Variants in FAM110B observed in about 807,000 individuals in gnomAD.
FAM110B encodes protein FAM110B.
In FAM110B, 6 loss-of-function variants were observed where a neutral mutation model predicts 20.4. The observed-to-expected ratio is 0.29, with a 90% CI of 0.16 to 0.58. The LOEUF is 0.58. FAM110B is among the 20% of genes least tolerant of loss of function. The probability of loss-of-function intolerance (pLI) is 0.90; values close to 1 mark genes in which losing one functional copy is unlikely to be tolerated. For synonymous variants in FAM110B, 226 were observed against 214.1 expected, an observed-to-expected ratio of 1.06 and a Z score of -0.49; for missense variants, 434 against 498.2, an observed-to-expected ratio of 0.87 and a Z score of 1.23.
chr8:58,084,364 TC>T (rs1391027146), intron 3 of FAM110B, among the ~76,000 whole-genome samples: 2 of 152,048 alleles, frequency 1.3e-5, no homozygotes, highest in East Asian at 3.9e-4. Flanking sequence ...TTTCCTTCCT[TC>T]CAGCAGTGGA....
intron 2 of FAM110B, among the ~76,000 whole-genome samples, chr8:58,072,411 C>T (rs142542100): frequency 3.0e-4 from 46 of 152,244 alleles, no homozygotes; most frequent in African/African-American, 6.0e-4. Flanking sequence ...TGTAATGCAA[C>T]GGTATTATGA....
At chr8:58,144,375 T>A (rs1173003381) in intron 3 of FAM110B, among the ~76,000 whole-genome samples, 2 of 152,238 alleles carry the variant, frequency 1.3e-5, no homozygotes, top group African/African-American at 4.8e-5. Context: ...AGAAACAATC[T>A]CATTTCATCT....
chr8:58,080,542 C>G (rs767686987), intron 3 of FAM110B, among the ~76,000 whole-genome samples: 14 of 152,136 alleles, frequency 9.2e-5, no homozygotes, highest in African/African-American at 3.1e-4. Flanking sequence ...TAGGTGTGGA[C>G]GCAGAAAGCA....
chr8:58,036,534 G>C (rs1805076042), intron 2 of FAM110B, among the ~76,000 whole-genome samples: 1 of 152,178 alleles, frequency 6.6e-6, no homozygotes, highest in African/African-American at 2.4e-5. Context: ...TTTGTCATGA[G>C]ATTAAGCTGG....
chr8:58,043,478 A>G (rs920327531), intron 2 of FAM110B, among the ~76,000 whole-genome samples: 1 of 151,068 alleles, frequency 6.6e-6, no homozygotes. Context: ...TTTTATATAT[A>G]TTTTTTATTA....
chr8:58,010,164 G>A (rs553447394), intron 1 of FAM110B, among the ~76,000 whole-genome samples: 11 of 150,876 alleles, frequency 7.3e-5, no homozygotes, highest in Non-Finnish European at 1.2e-4. Flanking sequence ...TTACAGATGC[G>A]CAACATGACG....
intron 2 of FAM110B, among the ~76,000 whole-genome samples, chr8:58,035,794 T>G (rs578171937): frequency 6.6e-6 from 1 of 152,316 alleles, no homozygotes; most frequent in South Asian, 2.1e-4. Flanking sequence ...GCAGTGATAG[T>G]GATACTTGTT....
Position 58,146,148 on chromosome 8 carries a change from C to T in FAM110B, c.-83C>T, listed in dbSNP as rs1247074207. 1 of 1,480,734 alleles carries T rather than the reference C, an allele frequency of 6.8e-7. No homozygotes were observed. Among genetic ancestry groups the T allele is most frequent in the African/African-American group, 1.4e-5 (1 of 70,996 alleles). 91.7% of individuals were successfully genotyped at this position (1,480,734 alleles called of 1,614,324 possible). On this transcript the variant is annotated 5_prime_UTR_variant, in exon 4 of 4. Coordinates refer to ENST00000519262, the MANE Select transcript of FAM110B (RefSeq NM_001377989.1). ...CAGGCTGCACCCGCCGCCCTTGGCG[C>T]TTCATGTACATGTGTCTATTCAGGC...
chr8:58,039,669 C>T (rs980196506), intron 2 of FAM110B, among the ~76,000 whole-genome samples: 2 of 152,326 alleles, frequency 1.3e-5, no homozygotes, highest in Middle Eastern at 3.4e-3. Flanking sequence ...TCAGATCTGC[C>T]TCCTGATAGT....
chr8:58,116,473 T>C (rs1228691870), intron 3 of FAM110B, among the ~76,000 whole-genome samples: 1 of 152,224 alleles, frequency 6.6e-6, no homozygotes, highest in Admixed American at 6.5e-5. Context: ...CTGTGGTTAC[T>C]CCTTTACCTT....
At chr8:58,108,060 G>T (rs1229950954) in intron 3 of FAM110B, among the ~76,000 whole-genome samples, 1 of 152,068 alleles carries the variant, frequency 6.6e-6, no homozygotes, top group Non-Finnish European at 1.5e-5. Context: ...AGGGGAAGAG[G>T]GCCCTTCTTA....
At chr8:58,089,431 C>CA (rs35106626) in intron 3 of FAM110B, among the ~76,000 whole-genome samples, 9 of 152,116 alleles carry the variant, frequency 5.9e-5, no homozygotes, top group African/African-American at 2.2e-4. Context: ...TTGCTTTCCA[C>CA]AAAAAGATGT....
At chr8:58,056,209 A>T (rs1805545188) in intron 2 of FAM110B, among the ~76,000 whole-genome samples, 1 of 152,352 alleles carries the variant, frequency 6.6e-6, no homozygotes, top group East Asian at 1.9e-4. Context: ...AAGTTCACTA[A>T]TCCCTAGTTT....
At chr8:58,074,704 G>T (rs1805989707) in intron 2 of FAM110B, among the ~76,000 whole-genome samples, 1 of 152,168 alleles carries the variant, frequency 6.6e-6, no homozygotes. Context: ...GCATGGGGGT[G>T]CTACAGTGCA....
chr8:58,018,660 A>AT, intron 1 of FAM110B, among the ~76,000 whole-genome samples: 1 of 151,968 alleles, frequency 6.6e-6, no homozygotes, highest in Non-Finnish European at 1.5e-5. Flanking sequence ...CTATTACCCT[A>AT]TTTTTTGTAT....
In FAM110B at chr8:58,093,706, G is replaced by A. The variant is rs1375506426; in HGVS notation, c.-325+18083G>A. Among the ~76,000 whole-genome samples, 4 of 152,068 alleles carry A rather than the reference G, an allele frequency of 2.6e-5. No homozygotes were observed. In the East Asian group the frequency reaches 7.7e-4, roughly 29 times the overall value. On this transcript the variant is annotated intron_variant, in intron 3 of 3. Transcript: ENST00000519262. Reference sequence around the variant, plus strand: ...TGATGCCTCCAGCTTTGTTCTTTTTGTTTAGAATTGTCTTGGCTATGCGGG... The same window carrying A: ...TGATGCCTCCAGCTTTGTTCTTTTTATTTAGAATTGTCTTGGCTATGCGGG...
chr8:58,107,742 T>C (rs576166543), intron 3 of FAM110B, among the ~76,000 whole-genome samples: 38 of 152,286 alleles, frequency 2.5e-4, no homozygotes, highest in Non-Finnish European at 5.6e-4. Context: ...CTGATTACAG[T>C]TTTGGAGAGT....
At chr8:58,115,950 A>G (rs1004099071) in intron 3 of FAM110B, among the ~76,000 whole-genome samples, 4 of 152,196 alleles carry the variant, frequency 2.6e-5, no homozygotes, top group African/African-American at 9.7e-5. Context: ...ACTTGGAAGC[A>G]CTTTGGACCC....
At chr8:58,088,184 G>A (rs961465252) in intron 3 of FAM110B, among the ~76,000 whole-genome samples, 10 of 152,158 alleles carry the variant, frequency 6.6e-5, no homozygotes, top group Admixed American at 5.2e-4. Context: ...GTTGTAGTAT[G>A]CTAGGATTAT....
Sources: allele counts gnomAD v4.1 joint callset (sites outside exome capture counted in the v4.1 genomes callset), GRCh38; gene constraint gnomAD v4.1.1; transcripts MANE v1.5; gene names NCBI Gene and HGNC (gene_info 2026-07-23, HGNC 2026-07-21).